The following BPIFC variants were observed in gnomAD, a reference collection of about 807,000 sequenced individuals.
BPIFC encodes the protein BPI fold containing family C.
In BPIFC, 60 loss-of-function variants were observed where a neutral mutation model predicts 57.6. The ratio of observed to expected loss-of-function variants is 1.04; its 90% confidence interval spans 0.85 to 1.29. The LOEUF (loss-of-function observed/expected upper bound fraction) is 1.29, where lower values mean the gene tolerates loss of function less well. Among genes scored for constraint, BPIFC ranks in the 50% most tolerant of loss-of-function variants. The pLI is 0.00. For missense variants in BPIFC, 581 were observed against 600.5 expected (o/e 0.97, Z 0.34); for synonymous variants, 243 against 224.5 (o/e 1.08, Z -0.74).
At chr22:32,429,685 T>C (rs1181249810) in intron 13 of BPIFC, among the ~76,000 whole-genome samples, 1 of 151,512 alleles carries the variant, frequency 6.6e-6, no homozygotes, top group Non-Finnish European at 1.5e-5. Context: ...CCCGGCTAAT[T>C]TTTGTATTTT....
intron 13 of BPIFC, among the ~76,000 whole-genome samples, chr22:32,427,149 G>A (rs1026561125): frequency 9.2e-5 from 14 of 152,120 alleles, no homozygotes; most frequent in Non-Finnish European, 2.9e-5. Context: ...GAAGCCAAGA[G>A]AATGAATTCA....
At chr22:32,420,282 C>T (rs898758592) in intron 13 of BPIFC, among the ~76,000 whole-genome samples, 2 of 148,934 alleles carry the variant, frequency 1.3e-5, no homozygotes, top group Non-Finnish European at 3.0e-5. Flanking sequence ...CGCGCCACTG[C>T]ACTCCAGCCT....
At chr22:32,451,536 C>A (rs1358643995) in intron 4 of BPIFC, among the ~76,000 whole-genome samples, 2 of 151,940 alleles carry the variant, frequency 1.3e-5, no homozygotes. Flanking sequence ...CACACCGGGG[C>A]CTGTTGTGGG....
intron 3 of BPIFC, among the ~76,000 whole-genome samples, chr22:32,455,297 C>T (rs751334942): frequency 6.6e-6 from 1 of 152,212 alleles, no homozygotes. Flanking sequence ...GATCCTCCTG[C>T]CTCGGCCTCC....
chr22:32,420,852 A>G (rs544239158), intron 13 of BPIFC, among the ~76,000 whole-genome samples: 5 of 152,354 alleles, frequency 3.3e-5, no homozygotes, highest in Admixed American at 1.3e-4. Flanking sequence ...CCATTAAACA[A>G]TACAATTAAA....
At chr22:32,462,196 AAG>A (rs1410186614) in intron 1 of BPIFC, among the ~76,000 whole-genome samples, 1 of 149,892 alleles carries the variant, frequency 6.7e-6, no homozygotes, top group African/African-American at 2.5e-5. Flanking sequence ...AAAAAGAAAA[AAG>A]AAAAAAAAGA....
intron 4 of BPIFC, among the ~76,000 whole-genome samples, chr22:32,448,867 G>GT (rs1045211482): frequency 2.3e-5 from 1 of 44,150 alleles, no homozygotes; most frequent in Non-Finnish European, 6.1e-5. Context: ...GAACCCAGGA[G>GT]TGGAGGCTGC....
chr22:32,420,039 C>T (rs1370029301), intron 13 of BPIFC, among the ~76,000 whole-genome samples: 5 of 151,386 alleles, frequency 3.3e-5, no homozygotes, highest in South Asian at 2.1e-4. Context: ...CAGTTTTGGC[C>T]GGGCATGGTG....
intron 3 of BPIFC, among the ~76,000 whole-genome samples, chr22:32,455,298 C>G (rs952900198): frequency 2.6e-5 from 4 of 152,048 alleles, no homozygotes; most frequent in Non-Finnish European, 4.4e-5. Flanking sequence ...ATCCTCCTGC[C>G]TCGGCCTCCC....
chr22:32,415,812 G>C, intron 16 of BPIFC, 103 bp downstream of exon 16: 1 of 763,312 alleles, frequency 1.3e-6, no homozygotes, highest in Non-Finnish European at 2.0e-6. Context: ...AAGCAAAGCA[G>C]GACAAAAACA....
intron 13 of BPIFC, among the ~76,000 whole-genome samples, chr22:32,422,237 G>A (rs1933869354): frequency 6.6e-6 from 1 of 152,138 alleles, no homozygotes; most frequent in Non-Finnish European, 1.5e-5. Context: ...GGTTACCCAG[G>A]TGCTCATTCT....
At chr22:32,461,828 G>A (rs985205549) in intron 1 of BPIFC, among the ~76,000 whole-genome samples, 167 bp from the exon 2 acceptor site, 4 of 152,196 alleles carry the variant, frequency 2.6e-5, no homozygotes, top group South Asian at 2.1e-4. Context: ...GCTAAAAATT[G>A]TAAATGGATG....
At chr22:32,426,106 T>G (rs762816864) in intron 13 of BPIFC, among the ~76,000 whole-genome samples, 2 of 152,202 alleles carry the variant, frequency 1.3e-5, no homozygotes, top group African/African-American at 4.8e-5. Flanking sequence ...TTGCTGTCTA[T>G]GCAGCCAGCC....
At chr22:32,458,717 C>A (rs555212438) in intron 2 of BPIFC, among the ~76,000 whole-genome samples, 1 of 152,298 alleles carries the variant, frequency 6.6e-6, no homozygotes, top group East Asian at 1.9e-4. Flanking sequence ...CCTGGGGAAG[C>A]CCTTAATCTT....
intron 8 of BPIFC, among the ~76,000 whole-genome samples, chr22:32,439,198 G>C (rs899012600): frequency 6.6e-6 from 1 of 152,034 alleles, no homozygotes; most frequent in Non-Finnish European, 1.5e-5. Flanking sequence ...GGTGGCACGC[G>C]CCTGTAATCC....
chr22:32,447,609 T>C (rs1277642403), intron 4 of BPIFC, among the ~76,000 whole-genome samples: 3 of 146,100 alleles, frequency 2.1e-5, no homozygotes, highest in East Asian at 3.9e-4. Flanking sequence ...CTCGCTCTCT[T>C]TTTTTTTTTT....
intron 15 of BPIFC, 61 bp downstream of exon 15, chr22:32,417,024 C>T (rs908182982): frequency 3.8e-6 from 5 of 1,325,874 alleles, no homozygotes; most frequent in Non-Finnish European, 5.4e-6. Context: ...CCAGTGCAGC[C>T]GATGCAGATG....
intron 7 of BPIFC, among the ~76,000 whole-genome samples, chr22:32,443,095 G>T (rs1934611584): frequency 6.6e-6 from 1 of 151,910 alleles, no homozygotes; most frequent in African/African-American, 2.4e-5. Context: ...ACTGCTGGGG[G>T]TGCCGCCAGC....
chr22:32,433,869 G>A lies in BPIFC; in HGVS notation c.925-97C>T, dbSNP rs1934315098. 3 of 1,012,992 alleles carry A rather than the reference G, an allele frequency of 3.0e-6. No individual in the cohort carries two copies. In the Admixed American group the frequency reaches 5.7e-5, roughly 19 times the overall value. The allele number at this position is 1,012,992 out of a possible 1,614,324, so 62.8% of individuals were successfully genotyped here. A position where few individuals can be genotyped will look rare whatever the true frequency, so the allele number is the denominator to read the frequency against. Reference sequence around the variant, plus strand: ...TCCCTATAATTTGACGAATTGTGAAGCTGTTACACCATAAAATATTCAGTG... The same window carrying A: ...TCCCTATAATTTGACGAATTGTGAAACTGTTACACCATAAAATATTCAGTG... On this transcript the variant is annotated intron_variant, in intron 10 of 16. Transcript: ENST00000300399.
Sources: allele counts gnomAD v4.1 joint callset (sites outside exome capture counted in the v4.1 genomes callset), GRCh38; gene constraint gnomAD v4.1.1; transcripts MANE v1.5; gene names NCBI Gene and HGNC (gene_info 2026-07-23, HGNC 2026-07-21).